Variants in NUSAP1 observed in about 807,000 individuals in gnomAD.
NUSAP1 encodes nucleolar and spindle-associated protein 1.
Under a neutral mutation model 52.8 loss-of-function variants are expected in NUSAP1, and 32 were observed. The ratio of observed to expected loss-of-function variants is 0.61; its 90% CI spans 0.46 to 0.81. The LOEUF is 0.81. NUSAP1 is among the 40% of genes least tolerant of loss of function. NUSAP1 has a pLI of 0.00. For missense variants in NUSAP1, 499 were observed against 522.3 expected (o/e 0.96, Z 0.43); for synonymous variants, 195 against 183.1 (o/e 1.06, Z -0.52).
At chr15:41,347,642 G>A (rs1166050271) in intron 2 of NUSAP1, among the ~76,000 whole-genome samples, 12 of 151,730 alleles carry the variant, frequency 7.9e-5, no homozygotes, top group African/African-American at 2.2e-4. Context: ...GCGAAACCCC[G>A]TCTCTACTAA....
In NUSAP1 at chr15:41,358,175, T is replaced by G; in HGVS notation, c.577T>G (p.Phe193Val). The change falls in exon 6 of 11, where the codon TTT becomes GTT. Residue 193 changes from phenylalanine to valine, a missense_variant. Transcript: ENST00000559596. ...PNFKKLHEAH[F>V]KEMESIDQYI... ...CTTTAAGAAGCTTCATGAAGCTCAT[T>G]TTAAGGAAATGGAGTCCATTGATCA... The G allele has an allele frequency of 1.3e-6, 2 of 1,557,926 alleles. No individual in the cohort carries two copies. The highest frequency in any genetic ancestry group is 1.8e-6 in the Non-Finnish European group (2 of 1,138,218).
chr15:41,342,359 G>C, intron 1 of NUSAP1, 27 bp from the exon 2 acceptor site: 3 of 1,469,914 alleles, frequency 2.0e-6, no homozygotes, highest in Non-Finnish European at 1.9e-6. Flanking sequence ...TTGACTTTTG[G>C]CTCTAATAAT....
At chr15:41,349,051 T>G (rs1413188839) in intron 2 of NUSAP1, 47 bp from the exon 3 acceptor site, 1 of 1,567,692 alleles carries the variant, frequency 6.4e-7, no homozygotes, top group Admixed American at 1.8e-5. Flanking sequence ...TCCTGAGCAT[T>G]ATAACTGTAG....
chr15:41,346,301 T>A (rs1022526418), intron 2 of NUSAP1, among the ~76,000 whole-genome samples: 1 of 151,834 alleles, frequency 6.6e-6, no homozygotes, highest in Non-Finnish European at 1.5e-5. Flanking sequence ...TATATTTTTT[T>A]ATATATTTTT....
intron 2 of NUSAP1, among the ~76,000 whole-genome samples, chr15:41,348,070 C>T (rs555352011): frequency 3.5e-4 from 53 of 152,176 alleles, no homozygotes; most frequent in African/African-American, 1.2e-3. Flanking sequence ...CCGCAGTGAA[C>T]TTAGATCAAG....
intron 8 of NUSAP1, among the ~76,000 whole-genome samples, chr15:41,373,877 G>A (rs1044020536): frequency 2.0e-5 from 3 of 152,034 alleles, no homozygotes; most frequent in Non-Finnish European, 4.4e-5. Flanking sequence ...AGGGAAATAA[G>A]CTGAAAAGTT....
At chr15:41,352,885 G>A (rs1334770756) in intron 4 of NUSAP1, among the ~76,000 whole-genome samples, 1 of 152,004 alleles carries the variant, frequency 6.6e-6, no homozygotes, top group Non-Finnish European at 1.5e-5. Flanking sequence ...CCAGTTTTTT[G>A]TCCTCTGAGT....
intron 4 of NUSAP1, among the ~76,000 whole-genome samples, chr15:41,354,294 G>A (rs929178329): frequency 1.1e-4 from 16 of 152,034 alleles, no homozygotes; most frequent in Admixed American, 9.8e-4. Context: ...ATCACCTGAG[G>A]TCAGGATCGA....
At chr15:41,348,491 A>G (rs1195748418) in intron 2 of NUSAP1, among the ~76,000 whole-genome samples, 1 of 152,118 alleles carries the variant, frequency 6.6e-6, no homozygotes, top group East Asian at 1.9e-4. Flanking sequence ...AAGTGCTGGG[A>G]TTACAGGTGT....
In NUSAP1 at chr15:41,349,244, G is replaced by A. The variant is rs772878512; in HGVS notation, c.306+3G>A. The A allele has an allele frequency of 3.1e-6, 5 of 1,611,328 alleles. No homozygotes were observed. In the South Asian group the frequency reaches 5.5e-5, roughly 18 times the overall value. On this transcript the variant is annotated splice_donor_region_variant and intron_variant, in intron 3 of 10. Transcript: ENST00000559596. ...TCCGTGTGGACCCTGACTCACAGGT[G>A]AATGGAAATATACAAACTGAAAATA...
intron 9 of NUSAP1, among the ~76,000 whole-genome samples, chr15:41,376,618 G>C (rs2049947969): frequency 6.6e-6 from 1 of 151,244 alleles, no homozygotes; most frequent in Non-Finnish European, 1.5e-5. Flanking sequence ...GTGAACCCAG[G>C]AGGTGAAGCT....
chr15:41,373,485 T>C (rs2140846072), intron 8 of NUSAP1, among the ~76,000 whole-genome samples: 1 of 141,464 alleles, frequency 7.1e-6, no homozygotes, highest in South Asian at 2.4e-4. Context: ...AGTCTCACTC[T>C]ATCACCCAGG....
At chr15:41,379,719 G>T (rs2050132845) in intron 10 of NUSAP1, among the ~76,000 whole-genome samples, 2 of 151,850 alleles carry the variant, frequency 1.3e-5, no homozygotes, top group African/African-American at 4.8e-5. Flanking sequence ...TACCTTTTTT[G>T]TATTTTTAGT....
At chr15:41,361,870 A>G (rs1399301886) in intron 6 of NUSAP1, among the ~76,000 whole-genome samples, 1 of 152,160 alleles carries the variant, frequency 6.6e-6, no homozygotes, top group African/African-American at 2.4e-5. Context: ...AAAAATTACA[A>G]TAACTTCACC....
chr15:41,347,769 A>G (rs372422512), intron 2 of NUSAP1, among the ~76,000 whole-genome samples: 61 of 151,154 alleles, frequency 4.0e-4, no homozygotes, highest in African/African-American at 1.4e-3. Flanking sequence ...AGCCAAGATC[A>G]TGCCACTGCA....
In NUSAP1 at chr15:41,375,840, T is replaced by C; in HGVS notation, c.1123+12T>C. 6.5e-7 allele frequency: 1 copy of C among 1,540,082 alleles called. No individual in the cohort carries two copies. The highest frequency in any genetic ancestry group is 9.0e-7 in the Non-Finnish European group (1 of 1,112,798). ...TGAACCACACAAAGGTATGTGGGAG[T>C]GTTTTGAGCTACAGGGCCTGTAAAA... On this transcript the variant is annotated intron_variant, in intron 9 of 10. Coordinates refer to ENST00000559596, the MANE Select transcript of NUSAP1 (RefSeq NM_016359.5).
chr15:41,335,486 G>A (rs1405409682), intron 1 of NUSAP1, among the ~76,000 whole-genome samples: 1 of 136,630 alleles, frequency 7.3e-6, no homozygotes, highest in Non-Finnish European at 1.5e-5. Flanking sequence ...TATTTAGTGT[G>A]TATTAGTATA....
At position 41,355,910 on chromosome 15, in the gene NUSAP1, C is replaced by G. The variant is rs971527496; in HGVS notation, c.449-129C>G. On this transcript the variant is annotated intron_variant, in intron 4 of 10. Coordinates refer to ENST00000559596, the MANE Select transcript of NUSAP1 (RefSeq NM_016359.5). ...AGCCAGGATGGTCTTGATCTTCTGA[C>G]CTCGTGATCCACCCGCCTCGGCCTC... is the stretch of plus-strand genomic sequence containing the variant. 3 of 568,722 alleles carry G rather than the reference C, an allele frequency of 5.3e-6. No individual in the cohort carries two copies. The Admixed American group carries it at 9.0e-5, about 17-fold the overall frequency. 35.2% of individuals were successfully genotyped at this position (568,722 alleles called of 1,614,324 possible).
chr15:41,365,487 G>A lies in NUSAP1; in HGVS notation c.746G>A (p.Arg249Gln), dbSNP rs372189567. 9.3e-6 allele frequency: 15 copies of A among 1,612,592 alleles called. No homozygotes were observed. Among genetic ancestry groups the A allele is most frequent in the South Asian group, 3.3e-5 (3 of 90,740 alleles). ...LSVASTPISQ[R>Q]RSQGRSCGPA... ...GTGGCTTCTACTCCCATCAGCCAAC[G>A]ACGCTCGCAAGGCCGGTCTTGTGGC... Residue 249 changes from arginine (R) to glutamine (Q), a missense_variant, in exon 7 of 11, where the codon CGA (arginine) becomes CAA (glutamine). Arg to Gln is a conservative substitution (Grantham distance 43). Coordinates refer to ENST00000559596, the MANE Select transcript of NUSAP1 (RefSeq NM_016359.5).
Sources: allele counts gnomAD v4.1 joint callset (sites outside exome capture counted in the v4.1 genomes callset), GRCh38; gene constraint gnomAD v4.1.1; transcripts MANE v1.5; gene names NCBI Gene and HGNC (gene_info 2026-07-23, HGNC 2026-07-21).